GPR158: variants seen among roughly 807,000 people sequenced by gnomAD.
GPR158 encodes G protein-coupled receptor 158.
GPR158 carries 30 observed loss-of-function variants against 78.2 expected under a neutral mutation model. The ratio of observed to expected loss-of-function variants is 0.38; its 90% confidence interval spans 0.29 to 0.52. GPR158 has a LOEUF of 0.52. Among genes scored for constraint, GPR158 ranks in the 20% least tolerant of loss-of-function variants. GPR158 has a pLI of 0.83. For synonymous variants in GPR158, 581 were observed against 591.1 expected (o/e 0.98, Z 0.25); for missense variants, 1,463 against 1,523.5 (o/e 0.96, Z 0.66).
At chr10:25,534,020 A>T (rs11014595) in intron 5 of GPR158, among the ~76,000 whole-genome samples, 1 of 151,786 alleles carries the variant, frequency 6.6e-6, no homozygotes. Flanking sequence ...ATATAACATG[A>T]ATTCATTAGA....
At chr10:25,267,973 G>A (rs902746060) in intron 2 of GPR158, among the ~76,000 whole-genome samples, 113 of 151,974 alleles carry the variant, frequency 7.4e-4, no homozygotes, top group African/African-American at 2.5e-3. Context: ...ATCACATATC[G>A]TCCACTATAA....
chr10:25,309,244 C>A (rs1200015795), intron 2 of GPR158, among the ~76,000 whole-genome samples: 1 of 151,184 alleles, frequency 6.6e-6, no homozygotes, highest in Admixed American at 6.6e-5. Flanking sequence ...TTTTCAATAG[C>A]TATCCTAATG....
intron 7 of GPR158, among the ~76,000 whole-genome samples, chr10:25,588,801 TAAC>T (rs1474155334): frequency 6.6e-6 from 1 of 152,166 alleles, no homozygotes; most frequent in Non-Finnish European, 1.5e-5. Flanking sequence ...TTAAATGCAA[TAAC>T]AACAAAGTGT....
intron 5 of GPR158, among the ~76,000 whole-genome samples, chr10:25,495,484 G>A (rs1835869013): frequency 6.6e-6 from 1 of 151,682 alleles, no homozygotes; most frequent in African/African-American, 2.4e-5. Context: ...AGTAGAGACA[G>A]GGTTTCACCA....
At chr10:25,330,083 A>G (rs1226377440) in intron 2 of GPR158, among the ~76,000 whole-genome samples, 1 of 151,504 alleles carries the variant, frequency 6.6e-6, no homozygotes, top group East Asian at 1.9e-4. Flanking sequence ...TTACATATGT[A>G]TACATGTGCC....
chr10:25,218,526 G>A (rs1220226663), intron 1 of GPR158, among the ~76,000 whole-genome samples: 3 of 152,172 alleles, frequency 2.0e-5, no homozygotes, highest in Admixed American at 2.0e-4. Context: ...TGCTATGGTA[G>A]GATTGTTGAG....
intron 5 of GPR158, among the ~76,000 whole-genome samples, chr10:25,470,978 C>T (rs1835491430): frequency 6.6e-6 from 1 of 151,698 alleles, no homozygotes; most frequent in Non-Finnish European, 1.5e-5. Flanking sequence ...TATTATTATA[C>T]TTTAAGTTCT....
chr10:25,588,836 A>T (rs1459264479), intron 7 of GPR158, among the ~76,000 whole-genome samples, 171 bp from the exon 8 acceptor site: 1 of 152,248 alleles, frequency 6.6e-6, no homozygotes, highest in African/African-American at 2.4e-5. Context: ...AATATTCCAT[A>T]AACTGAATGA....
intron 4 of GPR158, among the ~76,000 whole-genome samples, chr10:25,421,933 C>G (rs1425609768): frequency 6.6e-6 from 1 of 152,130 alleles, no homozygotes; most frequent in Non-Finnish European, 1.5e-5. Context: ...TGGGGACTTT[C>G]TATATGTTTA....
chr10:25,360,116 T>C (rs1241947992), intron 2 of GPR158, among the ~76,000 whole-genome samples: 1 of 152,138 alleles, frequency 6.6e-6, no homozygotes, highest in Non-Finnish European at 1.5e-5. Flanking sequence ...TGTTTTCTTA[T>C]AAGTTTGTTT....
intron 2 of GPR158, among the ~76,000 whole-genome samples, chr10:25,380,678 A>G (rs1404208459): frequency 6.6e-6 from 1 of 152,192 alleles, no homozygotes. Context: ...TTAAGAACTT[A>G]TTCATGTAAT....
rs1852514828 is a variant in GPR158 at position 25,175,576 on chromosome 10, C to T, written c.156C>T (p.Ala52=). 2 of 1,611,116 alleles carry T rather than the reference C, an allele frequency of 1.2e-6. No homozygotes were observed. The highest frequency in any genetic ancestry group is 1.7e-6 in the Non-Finnish European group (2 of 1,179,816). ...CGCACGCCCAGCAGCCGGGTCGAGC[C>T]TCTGCCTCGGACTCCTCGGCTCCCT... The part of the protein sequence containing the change: ...GKPHAQQPGR[A]SASDSSAPWS... The change falls in exon 1 of 11, where the codon GCC becomes GCT. Residue 52 remains alanine, a synonymous_variant. Coordinates refer to ENST00000376351, the MANE Select transcript of GPR158 (RefSeq NM_020752.3). The surrounding 1 kb of genome is among the most constrained non-coding windows in gnomAD (Gnocchi z 6.4).
chr10:25,265,417 G>A (rs923451146), intron 2 of GPR158, among the ~76,000 whole-genome samples: 1 of 152,170 alleles, frequency 6.6e-6, no homozygotes, highest in Non-Finnish European at 1.5e-5. Flanking sequence ...GCCATGTACA[G>A]CAGAGTTCCC....
At chr10:25,241,193 T>TCTTTCCTTTCTTTCTTTC (rs368561518) in intron 2 of GPR158, among the ~76,000 whole-genome samples, 1 of 101,660 alleles carries the variant, frequency 9.8e-6, no homozygotes, top group Non-Finnish European at 1.8e-5. Context: ...TTCTTTCCTT[T>TCTTTCCTTTCTTTCTTTC]CTTTCTTTCC....
chr10:25,302,985 T>C (rs1417293985), intron 2 of GPR158, among the ~76,000 whole-genome samples: 5 of 152,210 alleles, frequency 3.3e-5, no homozygotes, highest in African/African-American at 4.8e-5. Context: ...GGTAGATGAA[T>C]AGAATGCAGT....
intron 4 of GPR158, among the ~76,000 whole-genome samples, chr10:25,430,522 A>G (rs1028964040): frequency 6.7e-6 from 1 of 149,776 alleles, no homozygotes; most frequent in African/African-American, 2.5e-5. Context: ...TTTAAAGTTC[A>G]TATGGAACCA....
At chr10:25,597,742 A>G (rs1329541519) in intron 10 of GPR158, 30 bp from the exon 11 acceptor site, 2 of 1,477,422 alleles carry the variant, frequency 1.4e-6, no homozygotes, top group Non-Finnish European at 1.8e-6. Flanking sequence ...TAAATTCTAC[A>G]CTTCTTTGAA....
chr10:25,563,208 T>A (rs1371625498), intron 6 of GPR158, among the ~76,000 whole-genome samples: 2 of 152,162 alleles, frequency 1.3e-5, no homozygotes, highest in Non-Finnish European at 2.9e-5. Flanking sequence ...TTTTTAAAAA[T>A]CTCTTCTACC....
intron 5 of GPR158, among the ~76,000 whole-genome samples, chr10:25,534,832 T>C (rs1379017757): frequency 6.6e-6 from 1 of 152,116 alleles, no homozygotes; most frequent in African/African-American, 2.4e-5. Context: ...CACCTCAACA[T>C]GACCATACCA....
Sources: allele counts gnomAD v4.1 joint callset (sites outside exome capture counted in the v4.1 genomes callset), GRCh38; gene constraint gnomAD v4.1.1; non-coding constraint Gnocchi (gnomAD v3.1); transcripts MANE v1.5; gene names NCBI Gene and HGNC (gene_info 2026-07-23, HGNC 2026-07-21).